Variants in ZNF385D observed in about 807,000 individuals in gnomAD.
The protein encoded by ZNF385D is zinc finger protein 659.
Under a neutral mutation model 35.8 loss-of-function variants are expected in ZNF385D, and 15 were observed. The ratio of observed to expected loss-of-function variants is 0.42; its 90% CI spans 0.28 to 0.64. ZNF385D has a LOEUF of 0.64. Among genes scored for constraint, ZNF385D ranks in the 30% least tolerant of loss-of-function variants. The pLI is 0.23. For synonymous variants in ZNF385D, 212 were observed against 186.8 expected (o/e 1.13, Z -1.10); for missense variants, 474 against 494.6 (o/e 0.96, Z 0.39).
chr3:21,935,581 T>C (rs917219127), intron 3 of ZNF385D, among the ~76,000 whole-genome samples: 2 of 152,150 alleles, frequency 1.3e-5, no homozygotes, highest in Non-Finnish European at 2.9e-5. Context: ...GAGATTTCTG[T>C]TGACGAAAAT....
chr3:22,108,870 T>C (rs990185539), intron 3 of ZNF385D, among the ~76,000 whole-genome samples: 1 of 151,930 alleles, frequency 6.6e-6, no homozygotes, highest in South Asian at 2.1e-4. Context: ...AAATTAGCTG[T>C]GTGCGGTGGT....
chr3:22,352,783 G>A (rs999200844), intron 2 of ZNF385D, among the ~76,000 whole-genome samples: 6 of 152,134 alleles, frequency 3.9e-5, no homozygotes, highest in African/African-American at 1.2e-4. Flanking sequence ...CAACTATTAC[G>A]TGTTTTCTGT....
At position 21,425,668 on chromosome 3, in the gene ZNF385D, T is replaced by C. The variant is rs199797044; in HGVS notation, c.676A>G (p.Thr226Ala). 1 of 1,546,952 alleles carries C rather than the reference T, an allele frequency of 6.5e-7. No homozygotes were observed. Among genetic ancestry groups the C allele is most frequent in the East Asian group, 2.4e-5 (1 of 42,398 alleles). ...GCTTCTAACATGGTTTTGTGCTTAG[T>C]ACCTGTCAGGAATATTGAAATGAAG... The part of the protein sequence containing the change: ...ASQLEAHNSG[T>A]KHKTMLEARN... The change falls in exon 6 of 8, where the codon ACT becomes GCT. Residue 226 changes from threonine to alanine, a missense_variant and splice_region_variant. By Grantham distance (58) the Thr-to-Ala change is moderately conservative. Coordinates refer to ENST00000281523, the MANE Select transcript of ZNF385D (RefSeq NM_024697.3).
chr3:21,579,413 T>C (rs570227599), intron 2 of ZNF385D: 56 of 151,746 alleles, frequency 3.7e-4, no homozygotes, highest in African/African-American at 1.3e-3. Context: ...ACATAAATTA[T>C]AGATGGCTAA....
At chr3:21,719,255 G>A (rs988948891) in intron 1 of ZNF385D, among the ~76,000 whole-genome samples, 3 of 152,166 alleles carry the variant, frequency 2.0e-5, no homozygotes, top group Non-Finnish European at 4.4e-5. Context: ...AGGTGGTCAC[G>A]TTATGTACTT....
intron 2 of ZNF385D, among the ~76,000 whole-genome samples, chr3:21,644,302 C>T (rs2065688042): frequency 6.6e-6 from 1 of 152,092 alleles, no homozygotes; most frequent in African/African-American, 2.4e-5. Flanking sequence ...ATTATTTACC[C>T]AGTTATTCCA....
At chr3:21,837,700 C>T (rs2630792) in intron 3 of ZNF385D, among the ~76,000 whole-genome samples, 83,215 of 151,558 alleles carry the variant, frequency 0.55, 23,155 homozygotes, top group East Asian at 0.62. Flanking sequence ...GGTGAAACTT[C>T]GTCTCTACTA....
chr3:21,903,564 T>C (rs1047449965), intron 3 of ZNF385D, among the ~76,000 whole-genome samples: 1 of 152,170 alleles, frequency 6.6e-6, no homozygotes, highest in East Asian at 1.9e-4. Flanking sequence ...TTGATGGAAA[T>C]GTATTTTGAT....
chr3:21,617,986 T>C (rs1040450694), intron 2 of ZNF385D, among the ~76,000 whole-genome samples: 11 of 152,204 alleles, frequency 7.2e-5, no homozygotes, highest in East Asian at 1.9e-4. Context: ...CTCATTGTGA[T>C]TGAAAGGCTA....
At chr3:21,978,418 T>G (rs935683065) in intron 3 of ZNF385D, 8 of 152,232 alleles carry the variant, frequency 5.3e-5, no homozygotes, top group African/African-American at 1.9e-4. Flanking sequence ...TTTAATTTAT[T>G]TATTTTTGCT....
Position 21,711,039 on chromosome 3 carries a change from G to GTTT in ZNF385D, c.22+39853_22+39855dup, listed in dbSNP as rs869252663. On this transcript the variant is annotated intron_variant, in intron 1 of 7. Transcript: ENST00000281523. ...TCTTAATTTCCTTATCCCTCTAAAA[G>GTTT]TTTTTTTTTTTTTTTTTTTTGAGAT... is the stretch of plus-strand genomic sequence containing the variant. 1.7e-4 allele frequency among the ~76,000 whole-genome samples: 14 copies of GTTT among 83,136 alleles called. 1 individual carries two copies. The highest frequency in any genetic ancestry group is 4.6e-4 in the African/African-American group (9 of 19,486). 54.5% of individuals were successfully genotyped at this position (83,136 alleles called of 152,430 possible).
chr3:22,102,476 C>T (rs1421132306), intron 3 of ZNF385D, among the ~76,000 whole-genome samples: 1 of 151,986 alleles, frequency 6.6e-6, no homozygotes, highest in African/African-American at 2.4e-5. Context: ...TCCCGCAGTA[C>T]TGAGTTTCAT....
chr3:21,525,273 T>C (rs1455348179), intron 3 of ZNF385D, among the ~76,000 whole-genome samples: 1 of 152,178 alleles, frequency 6.6e-6, no homozygotes, highest in Non-Finnish European at 1.5e-5. Context: ...CTCTTAAAGG[T>C]ATATTCAGTG....
chr3:21,468,645 G>A (rs1156295178), intron 4 of ZNF385D, among the ~76,000 whole-genome samples: 1 of 152,106 alleles, frequency 6.6e-6, no homozygotes, highest in Non-Finnish European at 1.5e-5. Flanking sequence ...CGTAGTATGG[G>A]CAGGGGGCGG....
intron 2 of ZNF385D, among the ~76,000 whole-genome samples, chr3:21,593,257 G>T (rs2125739249): frequency 6.6e-6 from 1 of 152,194 alleles, no homozygotes; most frequent in East Asian, 1.9e-4. Context: ...CAAGGGTCTG[G>T]GTTTTCTCCA....
chr3:21,602,468 A>T (rs1414569544), intron 2 of ZNF385D, among the ~76,000 whole-genome samples: 1 of 147,794 alleles, frequency 6.8e-6, no homozygotes, highest in African/African-American at 2.5e-5. Flanking sequence ...GCGCAGGGTT[A>T]GTAGCAAAAC....
At chr3:22,222,040 G>A (rs552039568) in intron 2 of ZNF385D, among the ~76,000 whole-genome samples, 31 of 151,626 alleles carry the variant, frequency 2.0e-4, no homozygotes, top group Non-Finnish European at 4.3e-4. Flanking sequence ...GCAGTGGTGC[G>A]ATCTCAGCTC....
intron 3 of ZNF385D, among the ~76,000 whole-genome samples, chr3:21,805,603 T>C (rs1465400223): frequency 6.6e-6 from 1 of 152,208 alleles, no homozygotes; most frequent in Admixed American, 6.5e-5. Flanking sequence ...AGGACCAATT[T>C]TGTCATTTGT....
At chr3:21,526,606 G>A (rs1412987888) in intron 3 of ZNF385D, among the ~76,000 whole-genome samples, 8 of 152,162 alleles carry the variant, frequency 5.3e-5, no homozygotes, top group Non-Finnish European at 2.9e-5. Context: ...GCTTCTGAAA[G>A]GGAATGCCTA....
Sources: allele counts gnomAD v4.1 joint callset (sites outside exome capture counted in the v4.1 genomes callset), GRCh38; gene constraint gnomAD v4.1.1; transcripts MANE v1.5; gene names NCBI Gene and HGNC (gene_info 2026-07-23, HGNC 2026-07-21).